PRDM15: variants seen among roughly 807,000 people sequenced by gnomAD.
PRDM15 encodes PR/SET domain 15.
A neutral mutation model predicts 128.6 loss-of-function variants in PRDM15; 64 were observed. The ratio of observed to expected loss-of-function variants is 0.50; its 90% CI spans 0.41 to 0.61. The LOEUF is 0.61. PRDM15 is among the 20% of genes least tolerant of loss of function. The probability of loss-of-function intolerance (pLI) is 0.00; values close to 1 mark genes in which losing one functional copy is unlikely to be tolerated. For synonymous variants in PRDM15, 615 were observed against 621.8 expected (o/e 0.99, Z 0.16); for missense variants, 1,242 against 1,569.1 (o/e 0.79, Z 3.52).
At chr21:41,876,992 T>C (rs902132741) in intron 1 of PRDM15, among the ~76,000 whole-genome samples, 5 of 152,004 alleles carry the variant, frequency 3.3e-5, no homozygotes, top group African/African-American at 7.3e-5. Flanking sequence ...GAAGAAAATC[T>C]CTGCCTGGTG....
chr21:41,808,329 A>C (rs1197396239), intron 21 of PRDM15, among the ~76,000 whole-genome samples: 1 of 152,210 alleles, frequency 6.6e-6, no homozygotes, highest in Non-Finnish European at 1.5e-5. Context: ...AGAGGGATCC[A>C]AGCTCCCCGC....
In PRDM15 at chr21:41,854,408, G is replaced by T. The variant is rs895017795; in HGVS notation, c.538+158C>A. Among the ~76,000 whole-genome samples, 9 of 152,110 alleles carry T rather than the reference G, an allele frequency of 5.9e-5. No homozygotes were observed. Among genetic ancestry groups the T allele is most frequent in the African/African-American group, 2.2e-4 (9 of 41,436 alleles). ...CAAGGATGTTTAAAACAAGCAGAAAGACAGACCCGACTCTCCACTCCTCCA... is the reference window on the plus strand; with the variant it reads ...CAAGGATGTTTAAAACAAGCAGAAATACAGACCCGACTCTCCACTCCTCCA... On this transcript the variant is annotated intron_variant, in intron 5 of 23. Transcript: ENST00000398548. This position sits in a 1 kb window ranked among gnomAD's most constrained non-coding sequence, Gnocchi z 4.6.
At chr21:41,869,434 C>T (rs769148831) in intron 1 of PRDM15, among the ~76,000 whole-genome samples, 3 of 149,074 alleles carry the variant, frequency 2.0e-5, no homozygotes, top group Non-Finnish European at 4.5e-5. Context: ...CACACATCAC[C>T]GGCTATTTTT....
Position 41,815,773 on chromosome 21 carries a change from T to C in PRDM15, c.2324A>G (p.Glu775Gly), listed in dbSNP as rs758885021. 1.2e-6 allele frequency: 2 copies of C among 1,614,106 alleles called. No individual in the cohort carries two copies. The highest frequency in any genetic ancestry group is 2.2e-5 in the East Asian group (1 of 44,886). ...MKLHKGIKEY[E>G]CKECHRRFAQ... Reference sequence around the variant, plus strand: ...GAACCTGCGGTGGCACTCCTTGCACTCGTACTCCTTGATGCCCTTGTGCAG... The same window carrying C: ...GAACCTGCGGTGGCACTCCTTGCACCCGTACTCCTTGATGCCCTTGTGCAG... Residue 775 changes from glutamate to glycine, a missense_variant, in exon 19 of 24, where the codon GAG (glutamate) becomes GGG (glycine). Glu to Gly is a moderately conservative substitution (Grantham distance 98). Around this residue, in one of 3 missense-constraint regions of PRDM15, gnomAD observed 602 missense variants for 788.3 expected, o/e 0.76. Transcript: ENST00000398548.
intron 21 of PRDM15, among the ~76,000 whole-genome samples, chr21:41,805,296 C>T (rs1427902119): frequency 6.6e-6 from 1 of 152,190 alleles, no homozygotes; most frequent in Admixed American, 6.5e-5. Context: ...ACAACGAGTA[C>T]AGAGACAGCC....
chr21:41,828,115 C>G lies in PRDM15; in HGVS notation c.1534+51G>C. On this transcript the variant is annotated intron_variant, in intron 12 of 23. Transcript: ENST00000398548. The surrounding 1 kb of genome is among the most constrained non-coding windows in gnomAD (Gnocchi z 5.7). ...ACTGCTCCATGCCGCCCTGCCCCACCCCGCAGGAGCTGCCTCTCCCCGCCC... is the reference window on the plus strand; with the variant it reads ...ACTGCTCCATGCCGCCCTGCCCCACGCCGCAGGAGCTGCCTCTCCCCGCCC... 1.2e-5 allele frequency: 19 copies of G among 1,597,718 alleles called. No individual in the cohort carries two copies. The highest frequency in any genetic ancestry group is 1.5e-5 in the Non-Finnish European group (18 of 1,171,730).
At position 41,802,612 on chromosome 21, in the gene PRDM15, A is replaced by C. The variant is rs1601720019; in HGVS notation, c.2943+100T>G. On this transcript the variant is annotated intron_variant, in intron 23 of 23. Transcript: ENST00000398548. ...TCAACCACATGAAGTCCACATGTAC[A>C]CTGTGTATAGTAAAAAGAGATGGAG... 4.2e-6 allele frequency: 4 copies of C among 962,106 alleles called. No individual in the cohort carries two copies. The East Asian group carries it at 9.6e-5, about 23-fold the overall frequency. The allele number at this position is 962,106 out of a possible 1,614,324, so 59.6% of individuals were successfully genotyped here.
intron 22 of PRDM15, among the ~76,000 whole-genome samples, chr21:41,803,316 C>T (rs539381414): frequency 6.6e-6 from 1 of 152,292 alleles, no homozygotes; most frequent in African/African-American, 2.4e-5. Flanking sequence ...GAGACGAATC[C>T]ACCATAAAAA....
At chr21:41,840,469 C>T (rs1308776883) in intron 6 of PRDM15, among the ~76,000 whole-genome samples, 1 of 148,614 alleles carries the variant, frequency 6.7e-6, no homozygotes, top group East Asian at 2.0e-4. Flanking sequence ...AAAAGAATTG[C>T]ACCCTAGACC....
At chr21:41,874,525 A>ATATATATATTTTTTTTTTT in intron 1 of PRDM15, among the ~76,000 whole-genome samples, 6 of 95,826 alleles carry the variant, frequency 6.3e-5, no homozygotes, top group Admixed American at 2.4e-4. Flanking sequence ...ATATATATAT[A>ATATATATATTTTTTTTTTT]TTTTTTTTTT....
At position 41,859,808 on chromosome 21, in the gene PRDM15, G is replaced by A. The variant is rs143145423; in HGVS notation, c.38-123C>T. ...CAGAGTCATGAGACACATGCATGCC[G>A]ACACTGCAAAGACAAGCAAGGGAGG... is the stretch of plus-strand genomic sequence containing the variant. On this transcript the variant is annotated intron_variant, in intron 2 of 23. Transcript: ENST00000398548. The surrounding 1 kb of genome is among the most constrained non-coding windows in gnomAD (Gnocchi z 5.3). 7 of 767,524 alleles carry A rather than the reference G, an allele frequency of 9.1e-6. No individual in the cohort carries two copies. Among genetic ancestry groups the A allele is most frequent in the Middle Eastern group, 2.3e-4 (1 of 4,394 alleles). The allele number at this position is 767,524 out of a possible 1,614,324, so 47.5% of individuals were successfully genotyped here. A position where few individuals can be genotyped will look rare whatever the true frequency, so the allele number is the denominator to read the frequency against.
intron 12 of PRDM15, among the ~76,000 whole-genome samples, chr21:41,827,624 G>T (rs1191949145): frequency 6.6e-6 from 1 of 152,238 alleles, no homozygotes; most frequent in South Asian, 2.1e-4. Context: ...TTCCAGGCGT[G>T]AGCCACCATG....
chr21:41,866,621 C>T (rs1396077604), intron 1 of PRDM15, among the ~76,000 whole-genome samples: 2 of 152,268 alleles, frequency 1.3e-5, no homozygotes, highest in East Asian at 3.8e-4. Flanking sequence ...CAATGCTGTT[C>T]TTGGAATCTG....
chr21:41,814,772 T>A (rs942661138), intron 19 of PRDM15: 1 of 152,038 alleles, frequency 6.6e-6, no homozygotes, highest in African/African-American at 2.5e-5. Context: ...TAGTGTTTTA[T>A]GAGAATGCCT....
Position 41,862,763 on chromosome 21 carries a change from C to T in PRDM15, c.-9-2391G>A, listed in dbSNP as rs1239283655. Among the ~76,000 whole-genome samples, 2 of 152,162 alleles carry T rather than the reference C, an allele frequency of 1.3e-5. No individual in the cohort carries two copies. Among genetic ancestry groups the T allele is most frequent in the African/African-American group, 4.8e-5 (2 of 41,424 alleles). The stretch of plus-strand genomic sequence containing the variant: ...AACTCCCTTTAACACTCAGAAAGTG[C>T]CTTCATAGAAGGGGAAGTGTGGTCT... On this transcript the variant is annotated intron_variant, in intron 1 of 23. Coordinates refer to ENST00000398548, the MANE Select transcript of PRDM15 (RefSeq NM_001040424.3). This position sits in a 1 kb window ranked among gnomAD's most constrained non-coding sequence, Gnocchi z 4.1.
In PRDM15 at chr21:41,819,637, CT is replaced by C. The variant is rs2062179430; in HGVS notation, c.2204del (p.Glu735GlyfsTer21). 6.2e-7 allele frequency: 1 copy of C among 1,611,562 alleles called. No individual in the cohort carries two copies. Among genetic ancestry groups the C allele is most frequent in the Non-Finnish European group, 8.5e-7 (1 of 1,179,450 alleles). ...KSFARKDMLK[E>X]HMRVHDNVRE... ...GGACATTGTCGTGCACACGCATGTGCTCCTTCAGCATGTCCTTCCTGGCAAA... is the reference window on the plus strand; with the variant it reads ...GGACATTGTCGTGCACACGCATGTGCCCTTCAGCATGTCCTTCCTGGCAAA... On this transcript the variant is annotated frameshift_variant, in exon 18 of 24. Coordinates refer to ENST00000398548, the MANE Select transcript of PRDM15 (RefSeq NM_001040424.3). LOFTEE classifies it high-confidence loss of function.
chr21:41,801,966 T>C (rs903699209), intron 23 of PRDM15, among the ~76,000 whole-genome samples: 3 of 152,000 alleles, frequency 2.0e-5, no homozygotes, highest in East Asian at 1.9e-4. Context: ...TAGAAAAAAA[T>C]AGAAAAAAGT....
At position 41,832,581 on chromosome 21, in the gene PRDM15, A is replaced by G. The variant is rs73359676; in HGVS notation, c.1366+2856T>C. Among the ~76,000 whole-genome samples, 20,970 of 152,102 alleles carry G rather than the reference A, an allele frequency of 0.14. 1,862 individuals carry two copies. The highest frequency in any genetic ancestry group is 0.25 in the East Asian group (1,278 of 5,180). ...TCCCCTCAACCTGGGCCTCCTGAAC[A>G]GCATAGGTGAGCCTCCCTCCCAGCC... On this transcript the variant is annotated intron_variant, in intron 11 of 23. Transcript: ENST00000398548. The surrounding 1 kb of genome is among the most constrained non-coding windows in gnomAD (Gnocchi z 4.2).
intron 6 of PRDM15, among the ~76,000 whole-genome samples, chr21:41,846,479 G>C (rs990343842): frequency 6.6e-6 from 1 of 152,236 alleles, no homozygotes; most frequent in Admixed American, 6.5e-5. Context: ...CGAGGCAGAC[G>C]GACCGCTTGA....
Sources: gnomAD v4.1 joint callset for allele counts (sites outside exome capture counted in the v4.1 genomes callset) on GRCh38, gnomAD v4.1.1 for gene constraint, gnomAD v4.1.1 regional missense constraint, Gnocchi (gnomAD v3.1) non-coding constraint, MANE v1.5 for transcripts, NCBI Gene and HGNC (gene_info 2026-07-23, HGNC 2026-07-21) for gene names.